RYR2: variants seen among roughly 807,000 people sequenced by gnomAD.
RYR2 encodes ryanodine receptor 2.
RYR2 carries 227 observed loss-of-function variants against 601.1 expected under a neutral mutation model. The observed-to-expected ratio is 0.38, with a 90% CI of 0.34 to 0.42. The LOEUF is 0.42. Among genes scored for constraint, RYR2 ranks in the 10% least tolerant of loss-of-function variants. The probability of loss-of-function intolerance (pLI) is 1.00; values close to 1 mark genes in which losing one functional copy is unlikely to be tolerated. For synonymous variants in RYR2, 2,223 were observed against 2,175.1 expected (o/e 1.02, Z -0.61); for missense variants, 4,646 against 6,156.5 (o/e 0.75, Z 8.21).
chr1:237,170,203 G>T (rs941591722), intron 1 of RYR2, among the ~76,000 whole-genome samples: 1 of 152,198 alleles, frequency 6.6e-6, no homozygotes, highest in African/African-American at 2.4e-5. Context: ...GGTTAATCCA[G>T]TTCTCCTTTT....
At position 237,454,491 on chromosome 1, in the gene RYR2, C is replaced by G; in HGVS notation, c.1393C>G (p.Pro465Ala). The G allele has an allele frequency of 6.2e-7, 1 of 1,613,570 alleles. No individual in the cohort carries two copies. The highest frequency in any genetic ancestry group is 8.5e-7 in the Non-Finnish European group (1 of 1,179,660). Residue 465 changes from proline (P) to alanine (A), a missense_variant, in exon 15 of 105, where the codon CCC becomes GCC. By Grantham distance (27) the Pro-to-Ala change is conservative (BLOSUM62 -1). Coordinates refer to ENST00000366574, the MANE Select transcript of RYR2 (RefSeq NM_001035.3). ...SLQDLIGYFH[P>A]PDEHLEHEDK... Reference sequence around the variant, plus strand: ...GCAGGATCTCATTGGCTACTTCCACCCCCCAGATGAGCATTTAGAGCATGA... The same window carrying G: ...GCAGGATCTCATTGGCTACTTCCACGCCCCAGATGAGCATTTAGAGCATGA...
chr1:237,382,648 T>C lies in RYR2; in HGVS notation c.577-4633T>C, dbSNP rs1701629619. On this transcript the variant is annotated intron_variant, in intron 8 of 104. Coordinates refer to ENST00000366574, the MANE Select transcript of RYR2 (RefSeq NM_001035.3). Reference sequence around the variant, plus strand: ...GGTGTTTCGTTTTCTATCGTTGCGATAGTTTGCTGAGAATGATGGTTTTAA... The same window carrying C: ...GGTGTTTCGTTTTCTATCGTTGCGACAGTTTGCTGAGAATGATGGTTTTAA... 2.0e-5 allele frequency among the ~76,000 whole-genome samples: 3 copies of C among 151,766 alleles called. No individual in the cohort carries two copies. In the South Asian group the frequency reaches 6.2e-4, roughly 32 times the overall value.
chr1:237,816,460 C>T (rs564917793), intron 100 of RYR2, among the ~76,000 whole-genome samples: 6 of 152,168 alleles, frequency 3.9e-5, no homozygotes, highest in Non-Finnish European at 8.8e-5. Context: ...CCGAGGCGGG[C>T]GGATCACCTG....
intron 1 of RYR2, among the ~76,000 whole-genome samples, chr1:237,068,217 T>C (rs1663893020): frequency 6.6e-6 from 1 of 152,090 alleles, no homozygotes; most frequent in African/African-American, 2.4e-5. Flanking sequence ...TACAGTATGG[T>C]GATTACAATA....
chr1:237,653,696 G>GT (rs1682975178), intron 51 of RYR2, among the ~76,000 whole-genome samples: 1 of 152,146 alleles, frequency 6.6e-6, no homozygotes, highest in South Asian at 2.1e-4. Context: ...GCAAGCTGAG[G>GT]GGCAAGGAAG....
chr1:237,124,292 G>T (rs571840310), intron 1 of RYR2, among the ~76,000 whole-genome samples: 1 of 152,192 alleles, frequency 6.6e-6, no homozygotes, highest in Admixed American at 6.5e-5. Flanking sequence ...ACATCTCACC[G>T]AGTGCGGGGG....
At chr1:237,516,235 C>T (rs372927808) in intron 24 of RYR2, among the ~76,000 whole-genome samples, 20 of 152,192 alleles carry the variant, frequency 1.3e-4, no homozygotes, top group African/African-American at 3.9e-4. Flanking sequence ...CTCAGCCTCC[C>T]GAGTAGCTGG....
chr1:237,484,837 C>G (rs1348502627), intron 17 of RYR2, among the ~76,000 whole-genome samples: 3 of 152,048 alleles, frequency 2.0e-5, no homozygotes, highest in Non-Finnish European at 4.4e-5. Context: ...TATTCTCTAC[C>G]CATCACAGCA....
intron 2 of RYR2, among the ~76,000 whole-genome samples, chr1:237,283,230 A>G (rs1691091779): frequency 1.3e-5 from 2 of 152,132 alleles, no homozygotes; most frequent in Admixed American, 1.3e-4. Context: ...TTTATGACAA[A>G]TAATTCTGTT....
At chr1:237,638,000 G>A (rs1365367454) in intron 44 of RYR2, among the ~76,000 whole-genome samples, 2 of 151,890 alleles carry the variant, frequency 1.3e-5, no homozygotes, top group Non-Finnish European at 2.9e-5. Context: ...TGTTTAAGGA[G>A]ATGGTGCAAA....
At chr1:237,207,628 G>A (rs1681967793) in intron 1 of RYR2, among the ~76,000 whole-genome samples, 1 of 152,154 alleles carries the variant, frequency 6.6e-6, no homozygotes, top group Admixed American at 6.5e-5. Flanking sequence ...CTCACCGGAT[G>A]CCGGCTCCTT....
At chr1:237,712,035 G>A (rs761776343) in intron 71 of RYR2, among the ~76,000 whole-genome samples, 198 bp downstream of exon 71, 11 of 151,990 alleles carry the variant, frequency 7.2e-5, no homozygotes, top group Admixed American at 6.6e-5. Context: ...ACATGCAGAC[G>A]GGAAATGACT....
intron 1 of RYR2, among the ~76,000 whole-genome samples, chr1:237,082,266 A>G (rs1488754925): frequency 6.6e-6 from 1 of 151,800 alleles, no homozygotes; most frequent in Admixed American, 6.6e-5. Context: ...GCCAGAACTT[A>G]AAACCTGTGT....
intron 78 of RYR2, among the ~76,000 whole-genome samples, chr1:237,733,079 TC>T (rs1194574031): frequency 6.6e-6 from 1 of 152,146 alleles, no homozygotes; most frequent in East Asian, 1.9e-4. Context: ...ATAGAGCAAC[TC>T]TCTCTCTGGC....
intron 74 of RYR2, among the ~76,000 whole-genome samples, chr1:237,725,129 T>C (rs1690087008): frequency 6.6e-6 from 1 of 152,058 alleles, no homozygotes; most frequent in African/African-American, 2.4e-5. Context: ...GAAGAAAGTA[T>C]AGAAGCAACC....
rs1432154571 is a variant in RYR2 at position 237,127,094 on chromosome 1, G to A, written c.48+84525G>A. 2.0e-5 allele frequency among the ~76,000 whole-genome samples: 3 copies of A among 151,668 alleles called. No homozygotes were observed. In the East Asian group the frequency reaches 5.8e-4, roughly 30 times the overall value. On this transcript the variant is annotated intron_variant, in intron 1 of 104. Coordinates refer to ENST00000366574, the MANE Select transcript of RYR2 (RefSeq NM_001035.3). ...CAGCACATGTTTCAGAGAGCACAGG[G>A]TTGGGGGTAAGGTCACAGATCAACA...
chr1:237,515,472 A>G (rs77926125), intron 24 of RYR2, among the ~76,000 whole-genome samples: 2,718 of 152,250 alleles, frequency 0.018, 81 homozygotes, highest in African/African-American at 0.055. Context: ...GTGGTGAAGG[A>G]TGGGAGGAAT....
intron 56 of RYR2, among the ~76,000 whole-genome samples, chr1:237,661,350 G>A (rs1683769576): frequency 1.3e-5 from 2 of 152,074 alleles, no homozygotes; most frequent in South Asian, 2.1e-4. Context: ...CTGTCAGGGA[G>A]TGGGGGGCTA....
intron 38 of RYR2, among the ~76,000 whole-genome samples, chr1:237,623,174 A>G (rs994838319): frequency 6.6e-6 from 1 of 152,180 alleles, no homozygotes; most frequent in South Asian, 2.1e-4. Flanking sequence ...AGAGTCTGAC[A>G]TATTGTGGAC....
Sources: allele counts gnomAD v4.1 joint callset (sites outside exome capture counted in the v4.1 genomes callset), GRCh38; gene constraint gnomAD v4.1.1; transcripts MANE v1.5; gene names NCBI Gene and HGNC (gene_info 2026-07-23, HGNC 2026-07-21).